Variants in MYO1G observed in about 807,000 individuals in gnomAD.
MYO1G encodes unconventional myosin-Ig.
Under a neutral mutation model 115.3 loss-of-function variants are expected in MYO1G, and 65 were observed. That is an observed-to-expected ratio of 0.56 (90% CI 0.46 to 0.69). The LOEUF is 0.69. Among genes scored for constraint, MYO1G ranks in the 30% least tolerant of loss-of-function variants. The pLI, the probability that MYO1G is intolerant of heterozygous loss-of-function variation, is 0.00. For missense variants in MYO1G, 1,204 were observed against 1,393.5 expected, an observed-to-expected ratio of 0.86 and a Z score of 2.16; for synonymous variants, 510 against 552.6, an observed-to-expected ratio of 0.92 and a Z score of 1.08.
chr7:44,966,563 T>C lies in MYO1G; in HGVS notation c.1949+109A>G. On this transcript the variant is annotated intron_variant, in intron 15 of 21. Coordinates refer to ENST00000258787, the MANE Select transcript of MYO1G (RefSeq NM_033054.3). This position sits in a 1 kb window ranked among gnomAD's most constrained non-coding sequence, Gnocchi z 5.0. ...TTGAGGCCAGCAGCGTGCTGGTTCC[T>C]GCTTGTATCGATGTTTGCGACGTGC... The C allele has an allele frequency of 7.2e-7, 1 of 1,385,234 alleles. No individual in the cohort carries two copies. Among genetic ancestry groups the C allele is most frequent in the South Asian group, 1.2e-5 (1 of 84,614 alleles). 85.8% of individuals were successfully genotyped at this position (1,385,234 alleles called of 1,614,324 possible).
chr7:44,969,400 AG>A lies in MYO1G; in HGVS notation c.1574+12del. ...TGGGAAAGCCAGGGATGTGGGTGGGAGGGGGCCCTTACGTGACGTCCCCTGC... is the reference window on the plus strand; with the variant it reads ...TGGGAAAGCCAGGGATGTGGGTGGGAGGGGCCCTTACGTGACGTCCCCTGC... On this transcript the variant is annotated intron_variant, in intron 12 of 21. Transcript: ENST00000258787. This position sits in a 1 kb window ranked among gnomAD's most constrained non-coding sequence, Gnocchi z 5.0. The A allele has an allele frequency of 6.2e-7, 1 of 1,612,834 alleles. No individual in the cohort carries two copies.
At chr7:44,974,978 C>T in intron 5 of MYO1G, 196 bp downstream of exon 5, 1 of 667,200 alleles carries the variant, frequency 1.5e-6, no homozygotes, top group Non-Finnish European at 2.7e-6. Flanking sequence ...CCCTGCAAGT[C>T]ACACCCTCTT....
In MYO1G at chr7:44,964,163, C is replaced by A; in HGVS notation, c.2632-1G>T. Reference sequence around the variant, plus strand: ...TCCGGATCTTGTGGAAGCGGTTCACCTGTGGGAGAGGTGGCTGGACCCAGG... The same window carrying A: ...TCCGGATCTTGTGGAAGCGGTTCACATGTGGGAGAGGTGGCTGGACCCAGG... On this transcript the variant is annotated splice_acceptor_variant, in intron 19 of 21. Coordinates refer to ENST00000258787, the MANE Select transcript of MYO1G (RefSeq NM_033054.3). LOFTEE classifies it high-confidence loss of function. This position sits in a 1 kb window ranked among gnomAD's most constrained non-coding sequence, Gnocchi z 5.1. 1 of 1,584,582 alleles carries A rather than the reference C, an allele frequency of 6.3e-7. No individual in the cohort carries two copies.
chr7:44,970,807 T>G, intron 8 of MYO1G, 28 bp downstream of exon 8: 1 of 1,613,450 alleles, frequency 6.2e-7, no homozygotes, highest in South Asian at 1.1e-5. Context: ...CTCCTGGGCT[T>G]CCCTCCCTGT....
intron 3 of MYO1G, 151 bp from the exon 4 acceptor site, chr7:44,975,800 C>G: frequency 1.2e-6 from 1 of 854,220 alleles, no homozygotes; most frequent in South Asian, 2.1e-5. Flanking sequence ...TGGCCTCGCC[C>G]AGTGTTGCCT....
In MYO1G at chr7:44,965,458, C is replaced by T. The variant is rs188810018; in HGVS notation, c.2381+179G>A. Among the ~76,000 whole-genome samples the T allele has an allele frequency of 1.7e-4, 26 of 152,380 alleles. 1 individual carries two copies. Among genetic ancestry groups the T allele is most frequent in the African/African-American group, 5.8e-4 (24 of 41,586 alleles). On this transcript the variant is annotated intron_variant, in intron 17 of 21. Coordinates refer to ENST00000258787, the MANE Select transcript of MYO1G (RefSeq NM_033054.3). Reference sequence around the variant, plus strand: ...TGCCCACCACAGTACCCAAGATGGTCAGGGCTCTGCACCAACTGTGGGACA... The same window carrying T: ...TGCCCACCACAGTACCCAAGATGGTTAGGGCTCTGCACCAACTGTGGGACA...
intron 17 of MYO1G, 38 bp from the exon 18 acceptor site, chr7:44,965,127 G>A (rs547102377): frequency 1.3e-6 from 2 of 1,579,704 alleles, no homozygotes; most frequent in East Asian, 2.3e-5. Flanking sequence ...TGCTGGCCAT[G>A]TGTTCATGTG....
At chr7:44,972,089 G>C in intron 6 of MYO1G, 26 bp downstream of exon 6, 1 of 1,572,084 alleles carries the variant, frequency 6.4e-7, no homozygotes, top group Non-Finnish European at 8.8e-7. Flanking sequence ...AGCCCAGTTT[G>C]AGCCCTTGGT....
In MYO1G at chr7:44,963,763, C is replaced by A; in HGVS notation, c.2745+286G>T. ...GTCCCAGAATGCCCAGGTGGGAGAA[C>A]CCCAGTTGGGCACAAGTTGGAAGAG... is the stretch of plus-strand genomic sequence containing the variant. On this transcript the variant is annotated intron_variant, in intron 20 of 21. Coordinates refer to ENST00000258787, the MANE Select transcript of MYO1G (RefSeq NM_033054.3). The surrounding 1 kb of genome is among the most constrained non-coding windows in gnomAD (Gnocchi z 4.1). 1 of 438,498 alleles carries A rather than the reference C, an allele frequency of 2.3e-6. No homozygotes were observed. Among genetic ancestry groups the A allele is most frequent in the African/African-American group, 2.0e-5 (1 of 50,734 alleles). The allele number at this position is 438,498 out of a possible 1,614,324, so 27.2% of individuals were successfully genotyped here. A position where few individuals can be genotyped will look rare whatever the true frequency, so the allele number is the denominator to read the frequency against.
rs137855640 is a variant in MYO1G, at chr7:44,970,379, A to G, written c.1217+213T>C. ...GTGGACTTGGGAGTCACAACCAGGAATTACTCATGCCCCGTAATTCTGCCT... is the reference window on the plus strand; with the variant it reads ...GTGGACTTGGGAGTCACAACCAGGAGTTACTCATGCCCCGTAATTCTGCCT... On this transcript the variant is annotated intron_variant, in intron 9 of 21. Coordinates refer to ENST00000258787, the MANE Select transcript of MYO1G (RefSeq NM_033054.3). Among the ~76,000 whole-genome samples, 964 of 152,254 alleles carry G rather than the reference A, an allele frequency of 6.3e-3. 13 individuals are homozygous for G. The highest frequency in any genetic ancestry group is 0.022 in the African/African-American group (917 of 41,540).
chr7:44,962,881 A>T lies in MYO1G; in HGVS notation c.2915T>A (p.Leu972Gln). ...AAHCQGEGRT[L>Q]EVRVSDCIPL... ...GATGCAGTCGGAGACGCGAACCTCC[A>T]GGGTGCGGCCCTCCCTGCGGCAGGA... The change falls in exon 22 of 22, where the codon CTG (leucine) becomes CAG (glutamine). Residue 972 changes from leucine (L) to glutamine (Q), a missense_variant. Coordinates refer to ENST00000258787, the MANE Select transcript of MYO1G (RefSeq NM_033054.3). The surrounding 1 kb of genome is among the most constrained non-coding windows in gnomAD (Gnocchi z 5.3). The T allele has an allele frequency of 4.7e-6, 7 of 1,491,670 alleles. No individual in the cohort carries two copies. The highest frequency in any genetic ancestry group is 6.2e-6 in the Non-Finnish European group (7 of 1,122,324). The allele number at this position is 1,491,670 out of a possible 1,614,324, so 92.4% of individuals were successfully genotyped here.
At position 44,963,875 on chromosome 7, in the gene MYO1G, G is replaced by A; in HGVS notation, c.2745+174C>T. 4 of 614,886 alleles carry A rather than the reference G, an allele frequency of 6.5e-6. No homozygotes were observed. In the South Asian group the frequency reaches 7.5e-5, roughly 12 times the overall value. The allele number at this position is 614,886 out of a possible 1,614,324, so 38.1% of individuals were successfully genotyped here. On this transcript the variant is annotated intron_variant, in intron 20 of 21. Coordinates refer to ENST00000258787, the MANE Select transcript of MYO1G (RefSeq NM_033054.3). The surrounding 1 kb of genome is among the most constrained non-coding windows in gnomAD (Gnocchi z 4.1). ...ATCACAGGATGGGACCTTTCACTCT[G>A]TGGGCGTGGGAAGCCACTGCAGGAT...
chr7:44,971,893 C>A, intron 6 of MYO1G, 104 bp from the exon 7 acceptor site: 1 of 871,102 alleles, frequency 1.1e-6, no homozygotes, highest in Non-Finnish European at 1.8e-6. Context: ...CACCCCTGTC[C>A]CCTGTCCCCT....
Position 44,969,363 on chromosome 7 carries a change from C to A in MYO1G, c.1574+50G>T, listed in dbSNP as rs767701086. 1.9e-6 allele frequency: 3 copies of A among 1,588,750 alleles called. No homozygotes were observed. In the South Asian group the frequency reaches 3.3e-5, roughly 18 times the overall value. On this transcript the variant is annotated intron_variant, in intron 12 of 21. Coordinates refer to ENST00000258787, the MANE Select transcript of MYO1G (RefSeq NM_033054.3). This position sits in a 1 kb window ranked among gnomAD's most constrained non-coding sequence, Gnocchi z 5.0. ...AAGCGCTCCTGCCCCATGACACATG[C>A]CATGGTGCCTGTGGGAAAGCCAGGG...
chr7:44,965,553 C>T, intron 17 of MYO1G, 84 bp downstream of exon 17: 2 of 1,323,608 alleles, frequency 1.5e-6, no homozygotes, highest in South Asian at 2.5e-5. Flanking sequence ...ATCTCCCATC[C>T]AGGCACTGCA....
At chr7:44,967,498 C>G in intron 14 of MYO1G, 107 bp downstream of exon 14, 1 of 1,450,248 alleles carries the variant, frequency 6.9e-7, no homozygotes, top group Non-Finnish European at 9.5e-7. Context: ...GACAAGAACC[C>G]TCTCCCCACC....
At chr7:44,977,635 T>A (rs1406654375) in intron 1 of MYO1G, among the ~76,000 whole-genome samples, 1 of 151,394 alleles carries the variant, frequency 6.6e-6, no homozygotes, top group African/African-American at 2.4e-5. Flanking sequence ...GGCTGCTGCC[T>A]CTCCCCTGGC....
chr7:44,970,491 C>T lies in MYO1G; in HGVS notation c.1217+101G>A. 4 of 1,504,836 alleles carry T rather than the reference C, an allele frequency of 2.7e-6. No individual in the cohort carries two copies. The East Asian group carries it at 9.3e-5, about 35-fold the overall frequency. The allele number at this position is 1,504,836 out of a possible 1,614,324, so 93.2% of individuals were successfully genotyped here. ...GGGCCCAGGGACCAGCCGGGAGAAA[C>T]CCCAACATTCCTGCTGCCCAGCCCC... On this transcript the variant is annotated intron_variant, in intron 9 of 21. Coordinates refer to ENST00000258787, the MANE Select transcript of MYO1G (RefSeq NM_033054.3).
chr7:44,970,275 G>T, intron 9 of MYO1G, 121 bp from the exon 10 acceptor site: 1 of 776,850 alleles, frequency 1.3e-6, no homozygotes, highest in Non-Finnish European at 2.1e-6. Flanking sequence ...CCAGCACCCT[G>T]TGTGGCTTCC....
Sources: allele counts gnomAD v4.1 joint callset (sites outside exome capture counted in the v4.1 genomes callset), GRCh38; gene constraint gnomAD v4.1.1; non-coding constraint Gnocchi (gnomAD v3.1); transcripts MANE v1.5; gene names NCBI Gene and HGNC (gene_info 2026-07-23, HGNC 2026-07-21).